STX11: variants seen among roughly 807,000 people sequenced by gnomAD.
The protein encoded by STX11 is syntaxin-11.
Under a neutral mutation model 19.9 loss-of-function variants are expected in STX11, and 21 were observed. The ratio of observed to expected loss-of-function variants is 1.06; its 90% CI spans 0.75 to 1.52. The LOEUF (loss-of-function observed/expected upper bound fraction) is 1.52. Ranked by LOEUF, STX11 falls within the 40% of genes most tolerant of loss-of-function variation. STX11 has a pLI of 0.00. For synonymous variants in STX11, 193 were observed against 174.4 expected (o/e 1.11, Z -0.84); for missense variants, 438 against 405.9 (o/e 1.08, Z -0.68).
chr6:144,142,821 T>C, the STX11 span, among the ~76,000 whole-genome samples: 5 of 152,210 alleles, frequency 3.3e-5, no homozygotes, highest in African/African-American at 1.2e-4. Flanking sequence ...TTCTAATGTT[T>C]ATAACAGTTC....
rs999420839 is a variant in STX11 at position 144,162,679 on chromosome 6, A to G, written c.-6+11976A>G. Among the ~76,000 whole-genome samples the G allele has an allele frequency of 1.3e-5, 2 of 152,180 alleles. No homozygotes were observed. The highest frequency in any genetic ancestry group is 4.1e-4 in the South Asian group (2 of 4,832). ...GGACAAATTTGAATTTGGATAGGGG[A>G]TGGGAAAGGTTGAGGGACATCTCTG... On this transcript the variant is annotated intron_variant, in intron 1 of 1. Coordinates refer to ENST00000367568, the MANE Select transcript of STX11 (RefSeq NM_003764.4). This position sits in a 1 kb window ranked among gnomAD's most constrained non-coding sequence, Gnocchi z 4.6.
rs1002708099 is a variant in STX11, at chr6:144,175,706, C to G, written c.-5-10917C>G. 6.6e-6 allele frequency among the ~76,000 whole-genome samples: 1 copy of G among 152,216 alleles called. No individual in the cohort carries two copies. The highest frequency in any genetic ancestry group is 2.4e-5 in the African/African-American group (1 of 41,448). ...CACTGTGCAAGCTAGTCATTACAGG[C>G]TTTTTCTGCTCTCACCTTCTTTGAT... is the stretch of plus-strand genomic sequence containing the variant. On this transcript the variant is annotated intron_variant, in intron 1 of 1. Coordinates refer to ENST00000367568, the MANE Select transcript of STX11 (RefSeq NM_003764.4). This position sits in a 1 kb window ranked among gnomAD's most constrained non-coding sequence, Gnocchi z 5.1.
chr6:144,162,966 T>A lies in STX11; in HGVS notation c.-6+12263T>A, dbSNP rs564427512. On this transcript the variant is annotated intron_variant, in intron 1 of 1. Coordinates refer to ENST00000367568, the MANE Select transcript of STX11 (RefSeq NM_003764.4). This position sits in a 1 kb window ranked among gnomAD's most constrained non-coding sequence, Gnocchi z 4.6. ...TGAGGTTCATTGTCTTATTCTAGTT[T>A]GCTCAGTGCTAGGAGTCCCATACAG... is the stretch of plus-strand genomic sequence containing the variant. Among the ~76,000 whole-genome samples the A allele has an allele frequency of 9.8e-5, 15 of 152,360 alleles. No individual in the cohort carries two copies. Among genetic ancestry groups the A allele is most frequent in the African/African-American group, 3.4e-4 (14 of 41,576 alleles).
At chr6:144,144,257 G>C in the STX11 span, among the ~76,000 whole-genome samples, 3 of 152,148 alleles carry the variant, frequency 2.0e-5, no homozygotes, top group Non-Finnish European at 4.4e-5. Flanking sequence ...AACTAGTTTT[G>C]TAAGTCTGCA....
rs1435827152 is a variant in STX11 at position 144,170,702 on chromosome 6, G to C, written c.-5-15921G>C. Reference sequence around the variant, plus strand: ...GATATTTAAAACCTCAAGTAATTGAGTAATGCACAGGTATTAGTGTTCACT... The same window carrying C: ...GATATTTAAAACCTCAAGTAATTGACTAATGCACAGGTATTAGTGTTCACT... On this transcript the variant is annotated intron_variant, in intron 1 of 1. Transcript: ENST00000367568. This position sits in a 1 kb window ranked among gnomAD's most constrained non-coding sequence, Gnocchi z 4.7. 1.3e-5 allele frequency among the ~76,000 whole-genome samples: 2 copies of C among 152,138 alleles called. No individual in the cohort carries two copies. The highest frequency in any genetic ancestry group is 1.3e-4 in the Admixed American group (2 of 15,280).
chr6:144,148,526 T>C (rs1397989381), upstream of STX11, among the ~76,000 whole-genome samples: 3 of 152,346 alleles, frequency 2.0e-5, no homozygotes, highest in African/African-American at 7.2e-5. Flanking sequence ...AGAATTTCCA[T>C]AAATTCCATT....
the STX11 span, among the ~76,000 whole-genome samples, chr6:144,145,105 T>C: frequency 6.6e-6 from 1 of 152,220 alleles, no homozygotes; most frequent in Non-Finnish European, 1.5e-5. Context: ...CTCATGTTCA[T>C]AGCAGCATTA....
At position 144,160,686 on chromosome 6, in the gene STX11, A is replaced by T. The variant is rs182032832; in HGVS notation, c.-6+9983A>T. Reference sequence around the variant, plus strand: ...AATTCACCATAAAGCAGCACTTACTAGATGTAGGTGGAGTTATGTAATCCT... The same window carrying T: ...AATTCACCATAAAGCAGCACTTACTTGATGTAGGTGGAGTTATGTAATCCT... On this transcript the variant is annotated intron_variant, in intron 1 of 1. Transcript: ENST00000367568. This position sits in a 1 kb window ranked among gnomAD's most constrained non-coding sequence, Gnocchi z 4.3. 6.6e-6 allele frequency among the ~76,000 whole-genome samples: 1 copy of T among 152,334 alleles called. No individual in the cohort carries two copies. The highest frequency in any genetic ancestry group is 1.9e-4 in the East Asian group (1 of 5,186).
chr6:144,144,629 TA>T, the STX11 span, among the ~76,000 whole-genome samples: 1 of 152,240 alleles, frequency 6.6e-6, no homozygotes, highest in Non-Finnish European at 1.5e-5. Flanking sequence ...GTTAAGTACT[TA>T]AAATGTTGCT....
In STX11 at chr6:144,151,433, T is replaced by C; in HGVS notation, c.-6+730T>C. On this transcript the variant is annotated intron_variant, in intron 1 of 1. Transcript: ENST00000367568. The surrounding 1 kb of genome is among the most constrained non-coding windows in gnomAD (Gnocchi z 4.6). ...ATCCAAAAATGAGTCACAGGGCTGC[T>C]CTCTTAATTGTGAGACTTTGTTAAT... is the stretch of plus-strand genomic sequence containing the variant. 1.0e-6 allele frequency: 1 copy of C among 985,310 alleles called. No homozygotes were observed. The allele number at this position is 985,310 out of a possible 1,614,324, so 61.0% of individuals were successfully genotyped here. A position where few individuals can be genotyped will look rare whatever the true frequency, so the allele number is the denominator to read the frequency against.
chr6:144,186,342 AT>A (rs1802032335), intron 1 of STX11, among the ~76,000 whole-genome samples: 7 of 151,272 alleles, frequency 4.6e-5, no homozygotes, highest in African/African-American at 1.7e-4. Context: ...AAATAAATAA[AT>A]AAATAAAATT....
At position 144,152,211 on chromosome 6, in the gene STX11, G is replaced by C. The variant is rs1801024915; in HGVS notation, c.-6+1508G>C. ...TGCGGTCACGATTAGTTGATAGTGT[G>C]ACTTTTAAGAAATAGTGTGACTAAT... On this transcript the variant is annotated intron_variant, in intron 1 of 1. Transcript: ENST00000367568. The surrounding 1 kb of genome is among the most constrained non-coding windows in gnomAD (Gnocchi z 4.9). Among the ~76,000 whole-genome samples the C allele has an allele frequency of 6.6e-6, 1 of 152,190 alleles. No individual in the cohort carries two copies. The highest frequency in any genetic ancestry group is 1.5e-5 in the Non-Finnish European group (1 of 68,044).
rs915631267 is a variant in STX11, at chr6:144,189,071, T to C, written c.*1580T>C. 6.6e-6 allele frequency among the ~76,000 whole-genome samples: 1 copy of C among 152,086 alleles called. No homozygotes were observed. Among genetic ancestry groups the C allele is most frequent in the Non-Finnish European group, 1.5e-5 (1 of 68,016 alleles). ...CAGGGTCTCCCTTTGTCACCCAGGC[T>C]GAAGTGCAGTGGCATAATCATGGCT... is the stretch of plus-strand genomic sequence containing the variant. On this transcript the variant is annotated 3_prime_UTR_variant, in exon 2 of 2. Coordinates refer to ENST00000367568, the MANE Select transcript of STX11 (RefSeq NM_003764.4).
At position 144,152,177 on chromosome 6, in the gene STX11, C is replaced by T. The variant is rs571679898; in HGVS notation, c.-6+1474C>T. On this transcript the variant is annotated intron_variant, in intron 1 of 1. Coordinates refer to ENST00000367568, the MANE Select transcript of STX11 (RefSeq NM_003764.4). The surrounding 1 kb of genome is among the most constrained non-coding windows in gnomAD (Gnocchi z 4.9). ...GAGTAGACTCAGCAGATTATCACCCCTAGATAATTGCGGTCACGATTAGTT... is the reference window on the plus strand; with the variant it reads ...GAGTAGACTCAGCAGATTATCACCCTTAGATAATTGCGGTCACGATTAGTT... Among the ~76,000 whole-genome samples the T allele has an allele frequency of 2.6e-5, 4 of 152,272 alleles. No individual in the cohort carries two copies. Among genetic ancestry groups the T allele is most frequent in the African/African-American group, 9.6e-5 (4 of 41,544 alleles).
chr6:144,159,261 T>C lies in STX11; in HGVS notation c.-6+8558T>C, dbSNP rs184441429. 5.3e-5 allele frequency among the ~76,000 whole-genome samples: 8 copies of C among 152,236 alleles called. No individual in the cohort carries two copies. The highest frequency in any genetic ancestry group is 7.3e-5 in the Non-Finnish European group (5 of 68,038). ...GGTACAGCTCCTGACCCTATGAAGC[T>C]TATGGGCAAGCAGAGAAGATAAGTA... On this transcript the variant is annotated intron_variant, in intron 1 of 1. Coordinates refer to ENST00000367568, the MANE Select transcript of STX11 (RefSeq NM_003764.4). The surrounding 1 kb of genome is among the most constrained non-coding windows in gnomAD (Gnocchi z 4.3).
At position 144,183,958 on chromosome 6, in the gene STX11, C is replaced by G. The variant is rs1215188446; in HGVS notation, c.-5-2665C>G. On this transcript the variant is annotated intron_variant, in intron 1 of 1. Transcript: ENST00000367568. The surrounding 1 kb of genome is among the most constrained non-coding windows in gnomAD (Gnocchi z 4.6). Reference sequence around the variant, plus strand: ...CCAGGTGTTCTCATTGTTCACCTCCCACTTATAAGTGAGAACATGCAGTGT... The same window carrying G: ...CCAGGTGTTCTCATTGTTCACCTCCGACTTATAAGTGAGAACATGCAGTGT... 6.6e-6 allele frequency among the ~76,000 whole-genome samples: 1 copy of G among 152,172 alleles called. No homozygotes were observed.
intron 1 of STX11, among the ~76,000 whole-genome samples, chr6:144,166,929 C>A (rs1801500067): frequency 6.9e-6 from 1 of 145,724 alleles, no homozygotes; most frequent in African/African-American, 2.5e-5. Context: ...TACCTGACTT[C>A]ACCTGCACAA....
the STX11 span, among the ~76,000 whole-genome samples, chr6:144,144,727 C>T: frequency 2.2e-4 from 34 of 152,082 alleles, no homozygotes; most frequent in Admixed American, 6.5e-4. Context: ...TGGTAAAGTA[C>T]AGTGTAAATC....
rs375507415 is a variant in STX11, at chr6:144,176,738, T to C, written c.-5-9885T>C. 6.6e-6 allele frequency among the ~76,000 whole-genome samples: 1 copy of C among 152,198 alleles called. No homozygotes were observed. Among genetic ancestry groups the C allele is most frequent in the Admixed American group, 6.5e-5 (1 of 15,278 alleles). On this transcript the variant is annotated intron_variant, in intron 1 of 1. Coordinates refer to ENST00000367568, the MANE Select transcript of STX11 (RefSeq NM_003764.4). This position sits in a 1 kb window ranked among gnomAD's most constrained non-coding sequence, Gnocchi z 4.1. Reference sequence around the variant, plus strand: ...ACACATGGTTGAAAGATGTTAATAATGGCCATTTGAGTCATCAATAAATTG... The same window carrying C: ...ACACATGGTTGAAAGATGTTAATAACGGCCATTTGAGTCATCAATAAATTG...
Sources: allele counts gnomAD v4.1 joint callset (sites outside exome capture counted in the v4.1 genomes callset), GRCh38; gene constraint gnomAD v4.1.1; non-coding constraint Gnocchi (gnomAD v3.1); transcripts MANE v1.5; gene names NCBI Gene and HGNC (gene_info 2026-07-23, HGNC 2026-07-21).